The following PACRG variants were observed in gnomAD, a reference collection of about 807,000 sequenced individuals.
PACRG encodes the protein parkin coregulated gene protein.
In PACRG, 29 loss-of-function variants were observed where a neutral mutation model predicts 29.7. The ratio of observed to expected loss-of-function variants is 0.98; its 90% CI spans 0.73 to 1.33. The LOEUF (loss-of-function observed/expected upper bound fraction) is 1.33. PACRG is among the 40% of genes most tolerant of loss of function. The probability of loss-of-function intolerance (pLI) is 0.00; values close to 1 mark genes in which losing one functional copy is unlikely to be tolerated. For synonymous variants in PACRG, 116 were observed against 118.7 expected, an observed-to-expected ratio of 0.98 and a Z score of 0.15; for missense variants, 279 against 316.2, an observed-to-expected ratio of 0.88 and a Z score of 0.89.
At chr6:163,123,596 A>G (rs1319736047) in intron 4 of PACRG, among the ~76,000 whole-genome samples, 3 of 152,026 alleles carry the variant, frequency 2.0e-5, no homozygotes, top group Middle Eastern at 3.4e-3. Context: ...TGTACAGGAG[A>G]TCTCTGGAAC....
intron 2 of PACRG, among the ~76,000 whole-genome samples, chr6:162,913,100 A>G (rs553665316): frequency 6.6e-6 from 1 of 152,298 alleles, no homozygotes; most frequent in African/African-American, 2.4e-5. Context: ...TGTTCACATT[A>G]TGATTTTTAC....
chr6:162,753,939 A>G (rs934877464), intron 1 of PACRG, among the ~76,000 whole-genome samples: 5 of 152,186 alleles, frequency 3.3e-5, no homozygotes, highest in African/African-American at 7.2e-5. Context: ...TAATCCTGCT[A>G]TGAACATGGG....
intron 4 of PACRG, among the ~76,000 whole-genome samples, chr6:163,253,697 G>A (rs1476478045): frequency 1.3e-5 from 2 of 152,180 alleles, no homozygotes; most frequent in African/African-American, 2.4e-5. Context: ...TAGAATGCAC[G>A]TTATCAGGAC....
At chr6:163,236,322 C>G (rs1032055194) in intron 4 of PACRG, among the ~76,000 whole-genome samples, 1 of 152,212 alleles carries the variant, frequency 6.6e-6, no homozygotes, top group Non-Finnish European at 1.5e-5. Flanking sequence ...TCTGAATACT[C>G]TTTCATTTAT....
chr6:163,187,440 C>T (rs79256111), intron 4 of PACRG, among the ~76,000 whole-genome samples: 1,593 of 152,222 alleles, frequency 0.01, 26 homozygotes, highest in African/African-American at 0.036. Context: ...CTGCTGAGAA[C>T]GCCTCTCAAC....
intron 3 of PACRG, among the ~76,000 whole-genome samples, chr6:163,081,469 A>C (rs2128291838): frequency 6.6e-6 from 1 of 152,352 alleles, no homozygotes; most frequent in East Asian, 1.9e-4. Flanking sequence ...ATACTTTAAA[A>C]AGGTGAAAAG....
chr6:162,994,662 T>C (rs1024703637), intron 2 of PACRG, among the ~76,000 whole-genome samples: 10 of 139,506 alleles, frequency 7.2e-5, no homozygotes, highest in Admixed American at 5.5e-4. Context: ...TTCAAAGTTT[T>C]CAACTTCTTT....
chr6:162,926,318 T>C (rs1260067949), intron 2 of PACRG, among the ~76,000 whole-genome samples: 1 of 151,976 alleles, frequency 6.6e-6, no homozygotes, highest in Non-Finnish European at 1.5e-5. Context: ...TTAAAATTCA[T>C]ATGGAAACAA....
chr6:162,816,377 G>T (rs1787339675), intron 2 of PACRG, among the ~76,000 whole-genome samples: 1 of 152,058 alleles, frequency 6.6e-6, no homozygotes, highest in Non-Finnish European at 1.5e-5. Flanking sequence ...TTTTGAGACG[G>T]AGTCTCGCTC....
chr6:162,832,670 T>C (rs1387480736), intron 2 of PACRG, among the ~76,000 whole-genome samples: 3 of 152,154 alleles, frequency 2.0e-5, no homozygotes, highest in South Asian at 4.1e-4. Context: ...TTAACATCTG[T>C]GAAGGACAAG....
chr6:162,996,614 T>C (rs1467313243), intron 2 of PACRG, among the ~76,000 whole-genome samples: 1 of 152,086 alleles, frequency 6.6e-6, no homozygotes, highest in Admixed American at 6.6e-5. Context: ...AATAATATAT[T>C]AACAAAATGA....
intron 2 of PACRG, among the ~76,000 whole-genome samples, chr6:162,924,915 G>T (rs1358365749): frequency 6.6e-6 from 1 of 151,920 alleles, no homozygotes. Flanking sequence ...TAGATAGACT[G>T]CTAGCTAGAC....
chr6:162,849,052 A>G (rs770066750), intron 2 of PACRG, among the ~76,000 whole-genome samples: 9 of 152,206 alleles, frequency 5.9e-5, no homozygotes, highest in Admixed American at 5.2e-4. Context: ...GAAACACAAG[A>G]GAAGGGCTGG....
At chr6:162,875,184 TTCAC>T (rs907221257) in intron 2 of PACRG, among the ~76,000 whole-genome samples, 13 of 145,684 alleles carry the variant, frequency 8.9e-5, no homozygotes, top group African/African-American at 2.8e-4. Flanking sequence ...TTCATACACA[TTCAC>T]ACACACATCC....
chr6:162,875,392 G>C (rs115332423), intron 2 of PACRG, among the ~76,000 whole-genome samples: 3,540 of 149,604 alleles, frequency 0.024, 148 homozygotes, highest in African/African-American at 0.083. Flanking sequence ...TTCACACACA[G>C]AAATTCACAC....
chr6:163,090,180 A>AAAAAAAATC (rs1370097138), intron 4 of PACRG: 1 of 152,100 alleles, frequency 6.6e-6, no homozygotes, highest in African/African-American at 2.4e-5. Context: ...TACATTCAAG[A>AAAAAAAATC]AAAAAAATCA....
At chr6:162,918,703 A>G (rs993620300) in intron 2 of PACRG, among the ~76,000 whole-genome samples, 3 of 152,236 alleles carry the variant, frequency 2.0e-5, no homozygotes, top group Non-Finnish European at 4.4e-5. Context: ...AAGCAACTGA[A>G]GAATATAATA....
intron 2 of PACRG, among the ~76,000 whole-genome samples, chr6:163,007,983 T>A (rs542212792): frequency 5.5e-4 from 84 of 152,304 alleles, no homozygotes; most frequent in African/African-American, 1.4e-3. Flanking sequence ...CAAGACTTCC[T>A]AAATGTCAAT....
chr6:163,291,456 C>T (rs4538685), intron 4 of PACRG, among the ~76,000 whole-genome samples: 10,722 of 146,118 alleles, frequency 0.073, 488 homozygotes, highest in African/African-American at 0.15. Flanking sequence ...CCCCTCTGCC[C>T]GCCCGAGCTG....
Sources: allele counts gnomAD v4.1 joint callset (sites outside exome capture counted in the v4.1 genomes callset), GRCh38; gene constraint gnomAD v4.1.1; transcripts MANE v1.5; gene names NCBI Gene and HGNC (gene_info 2026-07-23, HGNC 2026-07-21).